Variants in FLI1 observed in about 807,000 individuals in gnomAD.
FLI1 encodes Friend leukemia integration 1 transcription factor.
In FLI1, 13 loss-of-function variants were observed where a neutral mutation model predicts 53.1. The observed-to-expected ratio is 0.24, with a 90% CI of 0.16 to 0.39. FLI1 has a LOEUF of 0.39. Among genes scored for constraint, FLI1 ranks in the 10% least tolerant of loss-of-function variants. FLI1 has a pLI of 1.00. For synonymous variants in FLI1, 244 were observed against 236.7 expected (o/e 1.03, Z -0.28); for missense variants, 424 against 600.5 (o/e 0.71, Z 3.07).
intron 1 of FLI1, among the ~76,000 whole-genome samples, chr11:128,746,117 C>A (rs1008010130): frequency 6.6e-6 from 1 of 152,116 alleles, no homozygotes; most frequent in African/African-American, 2.4e-5. Context: ...GGTAGTCTGG[C>A]TGGTGTGGAG....
intron 1 of FLI1, among the ~76,000 whole-genome samples, chr11:128,714,497 C>T (rs1339899491): frequency 6.6e-6 from 1 of 152,214 alleles, no homozygotes. Context: ...TGAGGAAACC[C>T]TCTGGTCTAA....
chr11:128,756,181 C>T (rs1940853254), intron 1 of FLI1, among the ~76,000 whole-genome samples: 1 of 152,204 alleles, frequency 6.6e-6, no homozygotes, highest in African/African-American at 2.4e-5. Flanking sequence ...TAACAACATA[C>T]CAGGGCTGAG....
chr11:128,752,782 A>G (rs1940705999), intron 1 of FLI1, among the ~76,000 whole-genome samples: 1 of 152,228 alleles, frequency 6.6e-6, no homozygotes, highest in African/African-American at 2.4e-5. Flanking sequence ...TTTGTATTTA[A>G]TAAGTGCTGT....
chr11:128,768,333 G>C (rs767404246), intron 3 of FLI1, 61 bp downstream of exon 3: 2 of 1,587,578 alleles, frequency 1.3e-6, no homozygotes, highest in South Asian at 1.1e-5. Context: ...GGGGGGCAGG[G>C]AGCATCTAAA....
intron 2 of FLI1, chr11:128,764,553 G>A (rs749846072): frequency 2.7e-6 from 3 of 1,124,294 alleles, no homozygotes; most frequent in African/African-American, 3.1e-5. Context: ...TGTAAGTGCA[G>A]GTCTTAATAC....
intron 1 of FLI1, among the ~76,000 whole-genome samples, chr11:128,734,870 A>T (rs557839682): frequency 5.9e-5 from 9 of 152,370 alleles, no homozygotes; most frequent in African/African-American, 2.2e-4. Context: ...CCAAAGGGGC[A>T]AGATCAAAAG....
chr11:128,777,220 G>T (rs1461861910), intron 4 of FLI1, among the ~76,000 whole-genome samples: 1 of 152,304 alleles, frequency 6.6e-6, no homozygotes, highest in South Asian at 2.1e-4. Flanking sequence ...GCCGCTGGGG[G>T]GAGTTTGCGC....
chr11:128,686,403 G>A (rs1227618471), upstream of FLI1: 1 of 456,294 alleles, frequency 2.2e-6, no homozygotes, highest in Admixed American at 2.3e-5. Flanking sequence ...ATGGTGTGAG[G>A]TGGCTCTCAG....
At chr11:128,768,406 G>C in intron 3 of FLI1, 134 bp downstream of exon 3, 1 of 1,112,946 alleles carries the variant, frequency 9.0e-7, no homozygotes. Context: ...CGCCAGCCGG[G>C]AGTGGTGGCT....
intron 4 of FLI1, among the ~76,000 whole-genome samples, chr11:128,776,138 C>G (rs1941720142): frequency 6.6e-6 from 1 of 152,184 alleles, no homozygotes; most frequent in Non-Finnish European, 1.5e-5. Flanking sequence ...AATGTATTTT[C>G]CAGGGTAGAG....
chr11:128,749,566 A>G (rs1940555896), intron 1 of FLI1, among the ~76,000 whole-genome samples: 2 of 152,244 alleles, frequency 1.3e-5, no homozygotes, highest in South Asian at 4.1e-4. Context: ...AAGTCACGCA[A>G]GGCCATTTCT....
At chr11:128,696,365 C>A (rs952977878) in intron 1 of FLI1, among the ~76,000 whole-genome samples, 2 of 152,188 alleles carry the variant, frequency 1.3e-5, no homozygotes, top group Admixed American at 1.3e-4. Context: ...GTTTTCTGTT[C>A]GCATGTGACC....
intron 1 of FLI1, among the ~76,000 whole-genome samples, chr11:128,713,342 T>C (rs1938867311): frequency 6.6e-6 from 1 of 152,248 alleles, no homozygotes; most frequent in African/African-American, 2.4e-5. Context: ...AAAATCCTTC[T>C]TCAGTTTAAA....
At chr11:128,749,911 C>T (rs923219166) in intron 1 of FLI1, among the ~76,000 whole-genome samples, 1 of 152,210 alleles carries the variant, frequency 6.6e-6, no homozygotes, top group African/African-American at 2.4e-5. Context: ...CTGCTCTTGG[C>T]ACTTCAGATG....
At chr11:128,709,075 T>C (rs1231172729) in intron 1 of FLI1, among the ~76,000 whole-genome samples, 2 of 152,222 alleles carry the variant, frequency 1.3e-5, no homozygotes, top group Non-Finnish European at 2.9e-5. Flanking sequence ...AGTCTGAAGT[T>C]TGGAAATCTA....
chr11:128,715,980 A>G (rs867613469), intron 1 of FLI1, among the ~76,000 whole-genome samples: 2 of 152,346 alleles, frequency 1.3e-5, no homozygotes, highest in South Asian at 4.1e-4. Flanking sequence ...AGAGGCAGGG[A>G]GAGCTGCCAA....
intron 1 of FLI1, among the ~76,000 whole-genome samples, chr11:128,724,691 C>G (rs1591755584): frequency 6.6e-6 from 1 of 152,226 alleles, no homozygotes; most frequent in African/African-American, 2.4e-5. Context: ...TGAGGAGAAA[C>G]AAGAGCACAC....
chr11:128,720,314 ATTAT>A (rs1418313516), intron 1 of FLI1, among the ~76,000 whole-genome samples: 4 of 152,332 alleles, frequency 2.6e-5, no homozygotes, highest in African/African-American at 4.8e-5. Flanking sequence ...AATAGTATAT[ATTAT>A]TTTAGTTATG....
intron 1 of FLI1, among the ~76,000 whole-genome samples, chr11:128,743,142 C>T (rs888621363): frequency 6.6e-6 from 1 of 152,078 alleles, no homozygotes; most frequent in Non-Finnish European, 1.5e-5. Context: ...AATCCTATCA[C>T]TTTGGGAGGC....
Sources: allele counts gnomAD v4.1 joint callset (sites outside exome capture counted in the v4.1 genomes callset), GRCh38; gene constraint gnomAD v4.1.1; transcripts MANE v1.5; gene names NCBI Gene and HGNC (gene_info 2026-07-23, HGNC 2026-07-21).